The following GABPB1 variants were observed in gnomAD, a reference collection of about 807,000 sequenced individuals.
GABPB1 encodes GA binding protein transcription factor subunit beta 1, also known as GA-binding protein subunit beta-1.
A neutral mutation model predicts 45.9 loss-of-function variants in GABPB1; 15 were observed. The observed-to-expected ratio is 0.33, with a 90% confidence interval of 0.22 to 0.50. GABPB1 has a LOEUF of 0.50. Ranked by LOEUF, GABPB1 falls within the 20% of genes least tolerant of loss-of-function variation. GABPB1 has a pLI of 0.98. For synonymous variants in GABPB1, 143 were observed against 154.4 expected, an observed-to-expected ratio of 0.93 and a Z score of 0.55; for missense variants, 252 against 457.5, an observed-to-expected ratio of 0.55 and a Z score of 4.10.
At chr15:50,330,346 C>A (rs548057776) in intron 1 of GABPB1, among the ~76,000 whole-genome samples, 5 of 152,046 alleles carry the variant, frequency 3.3e-5, no homozygotes, top group Admixed American at 6.6e-5. Flanking sequence ...TAGTACTCGG[C>A]TATGTGAAAA....
intron 6 of GABPB1, among the ~76,000 whole-genome samples, chr15:50,290,405 A>G (rs530398298): frequency 1.3e-5 from 2 of 152,268 alleles, no homozygotes; most frequent in African/African-American, 4.8e-5. Context: ...AGCCTGGCCA[A>G]CATGGCAAAA....
At chr15:50,302,159 C>A (rs941090274) in intron 4 of GABPB1, among the ~76,000 whole-genome samples, 1 of 152,124 alleles carries the variant, frequency 6.6e-6, no homozygotes, top group Admixed American at 6.5e-5. Context: ...CTAGAAAAAT[C>A]TTCCCAAAAG....
chr15:50,343,024 C>T (rs186688632), intron 1 of GABPB1, among the ~76,000 whole-genome samples: 3,078 of 152,206 alleles, frequency 0.02, 105 homozygotes, highest in African/African-American at 0.071. Context: ...CTCAGCGTCC[C>T]GAGTAGCTGG....
At chr15:50,308,018 A>G (rs1316645267) in intron 2 of GABPB1, among the ~76,000 whole-genome samples, 1 of 150,448 alleles carries the variant, frequency 6.6e-6, no homozygotes, top group Non-Finnish European at 1.5e-5. Context: ...TTTTTTTTTC[A>G]TACCTTTCAG....
Position 50,354,199 on chromosome 15 carries a change from G to A in GABPB1, c.-1+786C>T, listed in dbSNP as rs918657277. ...TGATGAACTGTGCCCTGGCAGAGATGACCTGGCAAAATTCTCAACTTCTTC... is the reference window on the plus strand; with the variant it reads ...TGATGAACTGTGCCCTGGCAGAGATAACCTGGCAAAATTCTCAACTTCTTC... On this transcript the variant is annotated intron_variant, in intron 1 of 8. Transcript: ENST00000380877. 8.8e-6 allele frequency: 3 copies of A among 341,958 alleles called. No individual in the cohort carries two copies. The Admixed American group carries it at 1.2e-4, about 14-fold the overall frequency. The allele number at this position is 341,958 out of a possible 1,614,324, so 21.2% of individuals were successfully genotyped here. A position where few individuals can be genotyped will look rare whatever the true frequency, so the allele number is the denominator to read the frequency against.
At chr15:50,312,917 T>C (rs1255162406) in intron 1 of GABPB1, among the ~76,000 whole-genome samples, 3 of 152,180 alleles carry the variant, frequency 2.0e-5, no homozygotes, top group Non-Finnish European at 4.4e-5. Flanking sequence ...TATGAGTCCT[T>C]TGTCAAATAT....
At chr15:50,345,897 G>C (rs962315291) in intron 1 of GABPB1, among the ~76,000 whole-genome samples, 5 of 151,928 alleles carry the variant, frequency 3.3e-5, no homozygotes, top group Non-Finnish European at 5.9e-5. Context: ...ATTTTTAGTA[G>C]AGACGGGGTT....
Position 50,276,030 on chromosome 15 carries a change from A to T in GABPB1, c.*2602T>A, listed in dbSNP as rs1267159324. The T allele has an allele frequency of 6.6e-6, 1 of 152,216 alleles. No homozygotes were observed. The highest frequency in any genetic ancestry group is 1.9e-4 in the East Asian group (1 of 5,198). 9.4% of individuals were successfully genotyped at this position (152,216 alleles called of 1,614,324 possible). A position where few individuals can be genotyped will look rare whatever the true frequency, so the allele number is the denominator to read the frequency against. On this transcript the variant is annotated 3_prime_UTR_variant, in exon 9 of 9. Transcript: ENST00000380877. ...CAAGAACGATTCTAGGTGCACAGGA[A>T]AGAAAATAATTCATTACACCATAAC... is the stretch of plus-strand genomic sequence containing the variant.
Position 50,317,860 on chromosome 15 carries a change from G to A in GABPB1, c.1-8062C>T, listed in dbSNP as rs527278632. ...GGAGGCGGAGCTTGCAGTGAGCCGAGATCGCGCCACCGCACTCCAGCCTGG... is the reference window on the plus strand; with the variant it reads ...GGAGGCGGAGCTTGCAGTGAGCCGAAATCGCGCCACCGCACTCCAGCCTGG... On this transcript the variant is annotated intron_variant, in intron 1 of 8. Transcript: ENST00000380877. Among the ~76,000 whole-genome samples, 7 of 149,768 alleles carry A rather than the reference G, an allele frequency of 4.7e-5. No homozygotes were observed. The South Asian group carries it at 1.3e-3, about 27-fold the overall frequency.
intron 2 of GABPB1, among the ~76,000 whole-genome samples, chr15:50,307,839 A>G (rs568745904): frequency 6.6e-6 from 1 of 152,220 alleles, no homozygotes; most frequent in African/African-American, 2.4e-5. Flanking sequence ...ATCTTTCATC[A>G]GTTCTGGAAA....
In GABPB1 at chr15:50,337,105, A is replaced by G. The variant is rs1243939228; in HGVS notation, c.-1+17880T>C. 9.8e-3 allele frequency among the ~76,000 whole-genome samples: 59 copies of G among 6,002 alleles called. 4 individuals are homozygous for G. The East Asian group carries it at 0.18, about 18-fold the overall frequency. The allele number at this position is 6,002 out of a possible 152,430, so 3.9% of individuals were successfully genotyped here. On this transcript the variant is annotated intron_variant, in intron 1 of 8. Coordinates refer to ENST00000380877, the MANE Select transcript of GABPB1 (RefSeq NM_016654.5). ...TATATATATATATATATATATATATATATATATATATATATATATATATAA... is the reference window on the plus strand; with the variant it reads ...TATATATATATATATATATATATATGTATATATATATATATATATATATAA...
chr15:50,279,989 C>T (rs553346136), intron 8 of GABPB1, among the ~76,000 whole-genome samples: 24 of 152,236 alleles, frequency 1.6e-4, no homozygotes, highest in African/African-American at 5.5e-4. Flanking sequence ...GGTTGGTCCA[C>T]AAGCAGGAGC....
At chr15:50,336,591 G>C (rs1490477434) in intron 1 of GABPB1, among the ~76,000 whole-genome samples, 1 of 151,314 alleles carries the variant, frequency 6.6e-6, no homozygotes, top group Non-Finnish European at 1.5e-5. Context: ...GCTGAAGAAG[G>C]AGGATCACTT....
intron 1 of GABPB1, among the ~76,000 whole-genome samples, chr15:50,325,689 G>A (rs943208027): frequency 6.6e-5 from 10 of 151,888 alleles, no homozygotes; most frequent in African/African-American, 1.7e-4. Flanking sequence ...ACACCAGCAC[G>A]CCCAGCTAAT....
intron 1 of GABPB1, among the ~76,000 whole-genome samples, chr15:50,317,308 GGC>G (rs1441358755): frequency 2.0e-5 from 3 of 151,538 alleles, no homozygotes; most frequent in African/African-American, 7.3e-5. Flanking sequence ...CGGAGGCTGA[GGC>G]AGAGAATCGC....
chr15:50,312,834 T>C (rs2047178024), intron 1 of GABPB1, among the ~76,000 whole-genome samples: 1 of 152,230 alleles, frequency 6.6e-6, no homozygotes, highest in African/African-American at 2.4e-5. Context: ...TTTAGGGCTT[T>C]TCCCCACCTT....
chr15:50,308,806 C>G (rs1177700960), intron 2 of GABPB1, among the ~76,000 whole-genome samples: 1 of 152,000 alleles, frequency 6.6e-6, no homozygotes, highest in African/African-American at 2.4e-5. Flanking sequence ...AGTCTTTATT[C>G]TTTAAAGATT....
At chr15:50,302,642 T>TC (rs2046796696) in intron 4 of GABPB1, among the ~76,000 whole-genome samples, 1 of 16,746 alleles carries the variant, frequency 6.0e-5, no homozygotes, top group African/African-American at 2.5e-4. Flanking sequence ...AGACTCTGGC[T>TC]CAAAAAAAAA....
intron 1 of GABPB1, among the ~76,000 whole-genome samples, chr15:50,343,546 T>TC (rs970432897): frequency 2.6e-5 from 4 of 151,402 alleles, no homozygotes; most frequent in Non-Finnish European, 5.9e-5. Flanking sequence ...TCCCCTCACC[T>TC]CTTTTTTTTT....
Sources: allele counts gnomAD v4.1 joint callset (sites outside exome capture counted in the v4.1 genomes callset), GRCh38; gene constraint gnomAD v4.1.1; transcripts MANE v1.5; gene names NCBI Gene and HGNC (gene_info 2026-07-23, HGNC 2026-07-21).